The following MTUS2 variants were observed in gnomAD, a reference collection of about 807,000 sequenced individuals.
MTUS2 encodes the protein microtubule-associated tumor suppressor candidate 2.
Under a neutral mutation model 114.1 loss-of-function variants are expected in MTUS2, and 40 were observed. The observed-to-expected ratio is 0.35, with a 90% CI of 0.27 to 0.46. The LOEUF (loss-of-function observed/expected upper bound fraction) is 0.46, where lower values mean the gene tolerates loss of function less well. Among genes scored for constraint, MTUS2 ranks in the 20% least tolerant of loss-of-function variants. The pLI is 1.00. For synonymous variants in MTUS2, 688 were observed against 672.0 expected (o/e 1.02, Z -0.37); for missense variants, 1,679 against 1,705.4 (o/e 0.98, Z 0.27).
intron 8 of MTUS2, among the ~76,000 whole-genome samples, chr13:29,387,162 G>A (rs554429462): frequency 2.0e-5 from 3 of 152,192 alleles, no homozygotes; most frequent in Non-Finnish European, 4.4e-5. Context: ...CTTTACAGAC[G>A]TGTCATAAGT....
intron 8 of MTUS2, among the ~76,000 whole-genome samples, chr13:29,429,909 G>C (rs1046066532): frequency 3.9e-5 from 6 of 152,126 alleles, no homozygotes; most frequent in African/African-American, 1.4e-4. Context: ...ACCTAAAGTA[G>C]GGTTACTTAC....
At chr13:29,484,290 A>C (rs1278338071) in intron 10 of MTUS2, 1 of 152,296 alleles carries the variant, frequency 6.6e-6, no homozygotes, top group Admixed American at 6.5e-5. Flanking sequence ...CCTCATCTGC[A>C]TTATGCCTCC....
intron 2 of MTUS2, among the ~76,000 whole-genome samples, chr13:28,997,343 G>T (rs1434457735): frequency 6.6e-6 from 1 of 151,968 alleles, no homozygotes; most frequent in Non-Finnish European, 1.5e-5. Flanking sequence ...GATAGGTGTG[G>T]TGCTGAAAAA....
chr13:29,443,210 G>A (rs866318131), intron 9 of MTUS2, among the ~76,000 whole-genome samples: 1 of 152,128 alleles, frequency 6.6e-6, no homozygotes, highest in Non-Finnish European at 1.5e-5. Flanking sequence ...ATAACTATCC[G>A]GTGTGTAGCA....
At chr13:29,071,948 G>A (rs1278226982) in intron 4 of MTUS2, 1 of 152,194 alleles carries the variant, frequency 6.6e-6, no homozygotes, top group Non-Finnish European at 1.5e-5. Context: ...TGGTGGGTGG[G>A]GGTATATAGT....
chr13:28,983,044 TC>T (rs1386809708), intron 2 of MTUS2, among the ~76,000 whole-genome samples: 3 of 152,298 alleles, frequency 2.0e-5, no homozygotes, highest in Non-Finnish European at 4.4e-5. Flanking sequence ...GTTTTGGATA[TC>T]TTACCATAAA....
rs916451808 is a variant in MTUS2, at chr13:28,913,143, C to T, written c.-243+73293C>T. 1.5e-4 allele frequency among the ~76,000 whole-genome samples: 23 copies of T among 152,256 alleles called. No individual in the cohort carries two copies. In the East Asian group the frequency reaches 4.4e-3, roughly 29 times the overall value. On this transcript the variant is annotated intron_variant, in intron 2 of 15. Coordinates refer to ENST00000612955, the MANE Select transcript of MTUS2 (RefSeq NM_001033602.4). ...TGATTCCCCTGGCCAGAACTTCCAACACTATGTTGAATAGCAGTGGTGAGA... is the reference window on the plus strand; with the variant it reads ...TGATTCCCCTGGCCAGAACTTCCAATACTATGTTGAATAGCAGTGGTGAGA...
At chr13:29,004,795 A>G (rs2138397177) in intron 2 of MTUS2, among the ~76,000 whole-genome samples, 1 of 152,324 alleles carries the variant, frequency 6.6e-6, no homozygotes, top group South Asian at 2.1e-4. Context: ...TATGGAGGTA[A>G]ACTGGGCTGG....
intron 2 of MTUS2, among the ~76,000 whole-genome samples, chr13:29,017,136 A>C (rs1886099419): frequency 6.6e-6 from 1 of 152,218 alleles, no homozygotes; most frequent in Non-Finnish European, 1.5e-5. Flanking sequence ...TATCCTATTA[A>C]ATGTGGCAAA....
At chr13:28,855,413 C>T (rs908648335) in intron 2 of MTUS2, among the ~76,000 whole-genome samples, 1 of 152,146 alleles carries the variant, frequency 6.6e-6, no homozygotes, top group Admixed American at 6.5e-5. Flanking sequence ...CTGACGCTCT[C>T]CCTCCCCCTA....
At chr13:29,407,899 T>C (rs1231884558) in intron 8 of MTUS2, among the ~76,000 whole-genome samples, 7 of 152,248 alleles carry the variant, frequency 4.6e-5, no homozygotes, top group Admixed American at 4.6e-4. Flanking sequence ...TGAATCGGTG[T>C]CATATTGTGG....
intron 8 of MTUS2, among the ~76,000 whole-genome samples, chr13:29,373,087 C>T (rs998831161): frequency 6.6e-6 from 1 of 152,174 alleles, no homozygotes; most frequent in African/African-American, 2.4e-5. Context: ...TCACCTGGAC[C>T]TGGACAGAAA....
At chr13:29,032,043 G>A (rs186769647) in intron 3 of MTUS2, among the ~76,000 whole-genome samples, 39 of 152,212 alleles carry the variant, frequency 2.6e-4, no homozygotes, top group Non-Finnish European at 5.1e-4. Context: ...GAACAGCAAC[G>A]TTTGGGGTTT....
chr13:29,126,923 G>T (rs968808194), intron 5 of MTUS2, among the ~76,000 whole-genome samples: 1 of 152,176 alleles, frequency 6.6e-6, no homozygotes, highest in Admixed American at 6.5e-5. Flanking sequence ...AAGAGAAAAT[G>T]CATGTAAAGC....
chr13:29,158,358 C>CCCCCCCCTCTT, intron 5 of MTUS2, among the ~76,000 whole-genome samples: 3 of 32,048 alleles, frequency 9.4e-5, no homozygotes, highest in Admixed American at 8.4e-4. Flanking sequence ...GTCCACCCCG[C>CCCCCCCCTCTT]TTTTTTTTTT....
At chr13:28,937,375 A>G (rs1881962856) in intron 2 of MTUS2, among the ~76,000 whole-genome samples, 1 of 152,068 alleles carries the variant, frequency 6.6e-6, no homozygotes, top group African/African-American at 2.4e-5. Context: ...TCAGCAGGAC[A>G]TGGGCAGGGG....
At chr13:28,878,220 T>TATAC (rs57490224) in intron 2 of MTUS2, among the ~76,000 whole-genome samples, 1 of 146,338 alleles carries the variant, frequency 6.8e-6, no homozygotes. Context: ...TATATATATA[T>TATAC]GTGTGTGTGT....
In MTUS2 at chr13:29,140,076, G is replaced by A. The variant is rs1454375971; in HGVS notation, c.2644+39106G>A. 3.3e-5 allele frequency among the ~76,000 whole-genome samples: 5 copies of A among 152,268 alleles called. No homozygotes were observed. The East Asian group carries it at 5.8e-4, about 18-fold the overall frequency. On this transcript the variant is annotated intron_variant, in intron 5 of 15. Coordinates refer to ENST00000612955, the MANE Select transcript of MTUS2 (RefSeq NM_001033602.4). ...TCACGGATGAGAAACTGCGCTGAGG[G>A]CTGCTACAGATGTCATTTAAAATTT...
chr13:28,950,499 G>T (rs1882755071), intron 2 of MTUS2, among the ~76,000 whole-genome samples: 1 of 152,124 alleles, frequency 6.6e-6, no homozygotes, highest in Non-Finnish European at 1.5e-5. Context: ...TTTGGCATCT[G>T]TCCAATAAAT....
Sources: gnomAD v4.1 joint callset for allele counts (sites outside exome capture counted in the v4.1 genomes callset) on GRCh38, gnomAD v4.1.1 for gene constraint, MANE v1.5 for transcripts, NCBI Gene and HGNC (gene_info 2026-07-23, HGNC 2026-07-21) for gene names.